Variants in IRS1 observed in about 807,000 individuals in gnomAD.
IRS1 encodes the protein insulin receptor substrate 1.
IRS1 carries 34 observed loss-of-function variants against 65.6 expected under a neutral mutation model. The observed-to-expected ratio is 0.52, with a 90% CI of 0.39 to 0.69. The LOEUF (loss-of-function observed/expected upper bound fraction) is 0.69. Ranked by LOEUF, IRS1 falls within the 30% of genes least tolerant of loss-of-function variation. The pLI is 0.00. For missense variants in IRS1, 1,641 were observed against 1,720.2 expected, an observed-to-expected ratio of 0.95 and a Z score of 0.81; for synonymous variants, 699 against 683.5, an observed-to-expected ratio of 1.02 and a Z score of -0.35.
rs557991154 is a variant in IRS1, at chr2:226,798,668, C to T, written c.71G>A (p.Ser24Asn). ...RKVGYLRKPK[S>N]MHKRFFVLRA... ...CAGTACGAAGAAGCGTTTGTGCATGCTCTTGGGTTTGCGCAGGTAGCCCAC... is the reference window on the plus strand; with the variant it reads ...CAGTACGAAGAAGCGTTTGTGCATGTTCTTGGGTTTGCGCAGGTAGCCCAC... The change falls in exon 1 of 2, where the codon AGC becomes AAC. Residue 24 changes from serine (S) to asparagine (N), a missense_variant. Coordinates refer to ENST00000305123, the MANE Select transcript of IRS1 (RefSeq NM_005544.3). This position sits in a 1 kb window ranked among gnomAD's most constrained non-coding sequence, Gnocchi z 9.4. 2 of 1,613,316 alleles carry T rather than the reference C, an allele frequency of 1.2e-6. No homozygotes were observed. The highest frequency in any genetic ancestry group is 1.6e-4 in the Middle Eastern group (1 of 6,062).
Position 226,799,153 on chromosome 2 carries a change from C to T in IRS1, c.-415G>A. On this transcript the variant is annotated 5_prime_UTR_variant, in exon 1 of 2. Transcript: ENST00000305123. This position sits in a 1 kb window ranked among gnomAD's most constrained non-coding sequence, Gnocchi z 6.1. ...GCCCCTCCAGGAGCGCGCGCGCGCGCGCGCCTTCCCTCCTGAGTTCCCCTC... is the reference window on the plus strand; with the variant it reads ...GCCCCTCCAGGAGCGCGCGCGCGCGTGCGCCTTCCCTCCTGAGTTCCCCTC... The T allele has an allele frequency of 9.1e-7, 1 of 1,100,394 alleles. No individual in the cohort carries two copies. The allele number at this position is 1,100,394 out of a possible 1,614,324, so 68.2% of individuals were successfully genotyped here. A position where few individuals can be genotyped will look rare whatever the true frequency, so the allele number is the denominator to read the frequency against.
intron 1 of IRS1, among the ~76,000 whole-genome samples, chr2:226,737,498 G>A (rs556449832): frequency 6.6e-6 from 1 of 152,280 alleles, no homozygotes; most frequent in South Asian, 2.1e-4. Context: ...GTATTTAGCA[G>A]AGAGTAGATC....
rs1939037991 is a variant in IRS1 at position 226,766,149 on chromosome 2, ATATATATATATATATT to A, written c.*21+28824_*21+28839del. On this transcript the variant is annotated intron_variant, in intron 1 of 1. Transcript: ENST00000305123. Reference sequence around the variant, plus strand: ...TATATATATATATATATATATATATATATATATATATATATTTTTTTTTTTTTTTTTTGAGACAGGG... The same window carrying A: ...TATATATATATATATATATATATATATTTTTTTTTTTTTTTTGAGACAGGG... 5.1e-4 allele frequency among the ~76,000 whole-genome samples: 2 copies of A among 3,942 alleles called. 1 individual carries two copies. Among genetic ancestry groups the A allele is most frequent in the African/African-American group, 1.1e-3 (2 of 1,772 alleles). 2.6% of individuals were successfully genotyped at this position (3,942 alleles called of 152,430 possible).
intron 1 of IRS1, among the ~76,000 whole-genome samples, chr2:226,788,717 T>G (rs1290313684): frequency 2.6e-5 from 4 of 152,196 alleles, no homozygotes; most frequent in Non-Finnish European, 5.9e-5. Context: ...TTACAATAAA[T>G]TTTTGTAACT....
intron 1 of IRS1, among the ~76,000 whole-genome samples, chr2:226,762,316 T>A (rs969371249): frequency 1.3e-5 from 2 of 149,188 alleles, no homozygotes; most frequent in Non-Finnish European, 1.5e-5. Context: ...TCATACCTCT[T>A]GAGATATTAC....
At position 226,798,061 on chromosome 2, in the gene IRS1, G is replaced by T. The variant is rs746502683; in HGVS notation, c.678C>A (p.Gly226=). The change falls in exon 1 of 2, where the codon GGC becomes GGA. Residue 226 remains glycine (G), a synonymous_variant. Transcript: ENST00000305123. The surrounding 1 kb of genome is among the most constrained non-coding windows in gnomAD (Gnocchi z 9.4). The part of the protein sequence containing the change: ...HSENFFFIEV[G]RSAVTGPGEF... ...CCCCGGGCCCCGTCACGGCAGAACG[G>T]CCCACCTCGATGAAGAAGAAGTTTT... 1 of 1,614,090 alleles carries T rather than the reference G, an allele frequency of 6.2e-7. No individual in the cohort carries two copies. The highest frequency in any genetic ancestry group is 1.1e-5 in the South Asian group (1 of 91,076).
chr2:226,781,176 T>A (rs1483002725), intron 1 of IRS1, among the ~76,000 whole-genome samples: 4 of 152,194 alleles, frequency 2.6e-5, no homozygotes, highest in Non-Finnish European at 4.4e-5. Context: ...AATAAAAGAT[T>A]TGGGCATTTT....
rs1020652282 is a variant in IRS1 at position 226,734,965 on chromosome 2, T to G, written c.*1307A>C. On this transcript the variant is annotated 3_prime_UTR_variant, in exon 2 of 2. Transcript: ENST00000305123. ...ACCAAGGCAAATGGGCCAATTACAT[T>G]CAGTTAAATAATGTAACACTGGAAG... 2.0e-5 allele frequency: 3 copies of G among 152,198 alleles called. No individual in the cohort carries two copies. Among genetic ancestry groups the G allele is most frequent in the Non-Finnish European group, 2.9e-5 (2 of 68,032 alleles). The allele number at this position is 152,198 out of a possible 1,614,324, so 9.4% of individuals were successfully genotyped here.
At position 226,795,206 on chromosome 2, in the gene IRS1, T is replaced by C. The variant is rs776841403; in HGVS notation, c.3533A>G (p.Asn1178Ser). ...CTTGACCAAATCCAGGTCTATGTAG[T>C]TAAGACCATTCTCCAAACCCCCAGC... is the stretch of plus-strand genomic sequence containing the variant. ...GAAGGLENGLNYIDLDLVKDF... is the reference protein window; with the variant it reads ...GAAGGLENGLSYIDLDLVKDF... The change falls in exon 1 of 2, where the codon AAC (asparagine) becomes AGC (serine). Residue 1178 changes from asparagine (N) to serine (S), a missense_variant. By Grantham distance (46) the Asn-to-Ser change is conservative (BLOSUM62 1). Around this residue, in one of 3 missense-constraint regions of IRS1, gnomAD observed 1,324 missense variants for 1,361.0 expected, o/e 0.97. Coordinates refer to ENST00000305123, the MANE Select transcript of IRS1 (RefSeq NM_005544.3). The C allele has an allele frequency of 1.1e-5, 17 of 1,613,970 alleles. No homozygotes were observed. Among genetic ancestry groups the C allele is most frequent in the Middle Eastern group, 3.3e-4 (2 of 6,062 alleles).
At position 226,797,980 on chromosome 2, in the gene IRS1, G is replaced by T. The variant is rs1185829220; in HGVS notation, c.759C>A (p.Ile253=). 6.2e-7 allele frequency: 1 copy of T among 1,614,126 alleles called. No individual in the cohort carries two copies. The highest frequency in any genetic ancestry group is 2.2e-5 in the East Asian group (1 of 44,878). Reference sequence around the variant, plus strand: ...CACTCATGGCCCGCATGGCCTCCAGGATGGTCTCGTGCATGTTCTGGGCCA... The same window carrying T: ...CACTCATGGCCCGCATGGCCTCCAGTATGGTCTCGTGCATGTTCTGGGCCA... ...SVVAQNMHET[I]LEAMRAMSDE... The change falls in exon 1 of 2, where the codon ATC becomes ATA. Residue 253 remains isoleucine (I), a synonymous_variant. Transcript: ENST00000305123. This position sits in a 1 kb window ranked among gnomAD's most constrained non-coding sequence, Gnocchi z 8.1.
At chr2:226,776,390 C>T (rs1315522200) in intron 1 of IRS1, among the ~76,000 whole-genome samples, 1 of 152,054 alleles carries the variant, frequency 6.6e-6, no homozygotes, top group Non-Finnish European at 1.5e-5. Context: ...GGGTAGATAA[C>T]TGCCCAATCC....
intron 1 of IRS1, among the ~76,000 whole-genome samples, chr2:226,744,977 C>T (rs1443767454): frequency 6.6e-6 from 1 of 151,852 alleles, no homozygotes; most frequent in Non-Finnish European, 1.5e-5. Context: ...ATTGAAGAAA[C>T]ACTCCCTCTC....
In IRS1 at chr2:226,766,394, C is replaced by T. The variant is rs182623141; in HGVS notation, c.*21+28595G>A. On this transcript the variant is annotated intron_variant, in intron 1 of 1. Transcript: ENST00000305123. ...GTCCAGGCTGGTCTTGAACTCCTGG[C>T]CTCAAGTGATCCACTTGCCTTTGCC... 1.2e-3 allele frequency among the ~76,000 whole-genome samples: 178 copies of T among 151,140 alleles called. 1 individual carries two copies. Among genetic ancestry groups the T allele is most frequent in the Non-Finnish European group, 2.2e-3 (147 of 67,748 alleles).
At chr2:226,784,452 C>T (rs190664165) in intron 1 of IRS1, among the ~76,000 whole-genome samples, 4 of 151,254 alleles carry the variant, frequency 2.6e-5, no homozygotes, top group Non-Finnish European at 4.4e-5. Flanking sequence ...GATAGAGTTT[C>T]GCTCTTGTCT....
At position 226,795,679 on chromosome 2, in the gene IRS1, A is replaced by G; in HGVS notation, c.3060T>C (p.Ala1020=). 1 of 1,613,260 alleles carries G rather than the reference A, an allele frequency of 6.2e-7. No homozygotes were observed. The highest frequency in any genetic ancestry group is 8.5e-7 in the Non-Finnish European group (1 of 1,179,998). ...CCCTGGGCAGGCTCACCTCCTCTGC[A>G]GCAATGCCTGTTCGCATGTCAGCAT... The part of the protein sequence containing the change: ...VSYADMRTGI[A]AEEVSLPRAT... The change falls in exon 1 of 2, where the codon GCT becomes GCC. Residue 1020 remains alanine (A), a synonymous_variant. Coordinates refer to ENST00000305123, the MANE Select transcript of IRS1 (RefSeq NM_005544.3).
At chr2:226,764,361 T>C (rs1042464321) in intron 1 of IRS1, among the ~76,000 whole-genome samples, 5 of 151,880 alleles carry the variant, frequency 3.3e-5, no homozygotes, top group African/African-American at 9.7e-5. Flanking sequence ...CTGGACAACA[T>C]GGCAAGACCC....
At position 226,799,116 on chromosome 2, in the gene IRS1, G is replaced by A. The variant is rs949476203; in HGVS notation, c.-378C>T. ...CCGGCACAGGGAGGCGACAGTCGGG[G>A]GTCCCTGCGGTGCCCCTCCAGGAGC... On this transcript the variant is annotated 5_prime_UTR_variant, in exon 1 of 2. Transcript: ENST00000305123. The surrounding 1 kb of genome is among the most constrained non-coding windows in gnomAD (Gnocchi z 6.1). 2.6e-6 allele frequency: 3 copies of A among 1,175,884 alleles called. No homozygotes were observed. In the African/African-American group the frequency reaches 4.9e-5, roughly 19 times the overall value. 72.8% of individuals were successfully genotyped at this position (1,175,884 alleles called of 1,614,324 possible). A position where few individuals can be genotyped will look rare whatever the true frequency, so the allele number is the denominator to read the frequency against.
rs764594875 is a variant in IRS1 at position 226,798,285 on chromosome 2, C to T, written c.454G>A (p.Gly152Ser). Residue 152 changes from glycine (G) to serine (S), a missense_variant, in exon 1 of 2, where the codon GGT becomes AGT. This residue lies in a region of IRS1 where 240 missense variants were observed against 229.6 expected (regional missense o/e 1.05). Coordinates refer to ENST00000305123, the MANE Select transcript of IRS1 (RefSeq NM_005544.3). This position sits in a 1 kb window ranked among gnomAD's most constrained non-coding sequence, Gnocchi z 9.4. ...AATGCGGGTCCTGGGGGCACGTCAC[C>T]GTAGCTCAAGTCCTCCCCAGCCTCA... Reference protein sequence around the residue: ...LGEAGEDLSYGDVPPGPAFKE... With the variant: ...LGEAGEDLSYSDVPPGPAFKE... The T allele has an allele frequency of 6.2e-7, 1 of 1,613,104 alleles. No homozygotes were observed. Among genetic ancestry groups the T allele is most frequent in the Non-Finnish European group, 8.5e-7 (1 of 1,179,904 alleles).
chr2:226,796,659 TG>T lies in IRS1; in HGVS notation c.2079del (p.Ser694AlafsTer10). Reference protein sequence around the residue: ...SSSSNAVPSGTSYGKLWTNGV... With the variant: ...SSSSNAVPSGXSYGKLWTNGV... ...CCGTTTGTCCACAGCTTTCCATAGC[TG>T]GTCCCGGAAGGGACGGCGTTGCTGC... On this transcript the variant is annotated frameshift_variant, in exon 1 of 2. Coordinates refer to ENST00000305123, the MANE Select transcript of IRS1 (RefSeq NM_005544.3). LOFTEE classifies it high-confidence loss of function. 6.2e-7 allele frequency: 1 copy of T among 1,613,932 alleles called. No individual in the cohort carries two copies. Among genetic ancestry groups the T allele is most frequent in the Non-Finnish European group, 8.5e-7 (1 of 1,179,902 alleles).
Sources: gnomAD v4.1 joint callset for allele counts (sites outside exome capture counted in the v4.1 genomes callset) on GRCh38, gnomAD v4.1.1 for gene constraint, gnomAD v4.1.1 regional missense constraint, Gnocchi (gnomAD v3.1) non-coding constraint, MANE v1.5 for transcripts, NCBI Gene and HGNC (gene_info 2026-07-23, HGNC 2026-07-21) for gene names.